Variants in EVC observed in about 807,000 individuals in gnomAD.
EVC encodes the protein EvC ciliary complex subunit 1.
EVC carries 116 observed loss-of-function variants against 118.9 expected under a neutral mutation model. That is an observed-to-expected ratio of 0.98 (90% confidence interval 0.84 to 1.14). The LOEUF (loss-of-function observed/expected upper bound fraction) is 1.14. Among genes scored for constraint, EVC ranks in the 50% most tolerant of loss-of-function variants. EVC has a pLI of 0.00. For synonymous variants in EVC, 619 were observed against 534.7 expected, an observed-to-expected ratio of 1.16 and a Z score of -2.18; for missense variants, 1,401 against 1,246.4, an observed-to-expected ratio of 1.12 and a Z score of -1.87.
rs1577625193 is a variant in EVC, at chr4:5,798,940, C to G, written c.2304+148C>G. 4.4e-6 allele frequency: 4 copies of G among 899,542 alleles called. No homozygotes were observed. The East Asian group carries it at 7.9e-5, about 18-fold the overall frequency. The allele number at this position is 899,542 out of a possible 1,614,324, so 55.7% of individuals were successfully genotyped here. ...CTTCTCCATGACTTGATTTTCTCAT[C>G]TGTAAGGTGGGATCTTCTCCCTCGC... On this transcript the variant is annotated intron_variant, in intron 15 of 20. Coordinates refer to ENST00000264956, the MANE Select transcript of EVC (RefSeq NM_153717.3). This position sits in a 1 kb window ranked among gnomAD's most constrained non-coding sequence, Gnocchi z 4.1.
intron 14 of EVC, 37 bp downstream of exon 14, chr4:5,797,269 G>T: frequency 1.3e-6 from 2 of 1,528,924 alleles, no homozygotes; most frequent in South Asian, 1.2e-5. Flanking sequence ...ATTCCAGACA[G>T]GCGGTGCCCC....
chr4:5,771,143 CAA>C (rs1733889025), intron 11 of EVC, among the ~76,000 whole-genome samples: 1 of 152,122 alleles, frequency 6.6e-6, no homozygotes, highest in Non-Finnish European at 1.5e-5. Flanking sequence ...TAAAGCAACA[CAA>C]AGTTATGTTA....
At chr4:5,711,898 G>T (rs568746023) in intron 1 of EVC, among the ~76,000 whole-genome samples, 4 of 152,352 alleles carry the variant, frequency 2.6e-5, no homozygotes, top group Admixed American at 2.0e-4. Flanking sequence ...GACGGCTGGG[G>T]CTCCCACGCC....
chr4:5,727,245 CTTTT>C (rs1726003612), intron 2 of EVC, among the ~76,000 whole-genome samples: 1 of 152,144 alleles, frequency 6.6e-6, no homozygotes, highest in Non-Finnish European at 1.5e-5. Flanking sequence ...TGTTTCCTGA[CTTTT>C]TAATGATCTC....
chr4:5,818,308 T>C (rs1385732728), downstream of EVC, among the ~76,000 whole-genome samples: 2 of 152,204 alleles, frequency 1.3e-5, no homozygotes, highest in African/African-American at 2.4e-5. Context: ...TGGGTATGTC[T>C]TTATCAGCAG....
In EVC at chr4:5,719,091, G is replaced by A. The variant is rs1025045992; in HGVS notation, c.175-157G>A. On this transcript the variant is annotated intron_variant, in intron 1 of 20. Coordinates refer to ENST00000264956, the MANE Select transcript of EVC (RefSeq NM_153717.3). The surrounding 1 kb of genome is among the most constrained non-coding windows in gnomAD (Gnocchi z 4.7). ...GCGGACCCCACGTGGGGTGGGAGGC[G>A]TCACACACAGAAGACCAAGCTTGAG... Among the ~76,000 whole-genome samples, 5 of 152,104 alleles carry A rather than the reference G, an allele frequency of 3.3e-5. No individual in the cohort carries two copies. Among genetic ancestry groups the A allele is most frequent in the Non-Finnish European group, 5.9e-5 (4 of 68,026 alleles).
chr4:5,713,428 A>G (rs1723375685), intron 1 of EVC, among the ~76,000 whole-genome samples: 2 of 152,190 alleles, frequency 1.3e-5, no homozygotes, highest in East Asian at 3.8e-4. Context: ...CTGTCACCCC[A>G]GCACTTTGGG....
At chr4:5,806,373 C>T (rs1366215024) in intron 17 of EVC, among the ~76,000 whole-genome samples, 5 of 152,112 alleles carry the variant, frequency 3.3e-5, no homozygotes, top group Non-Finnish European at 2.9e-5. Context: ...AGCCACTGCG[C>T]CCAGCCTGTC....
intron 1 of EVC, 95 bp downstream of exon 1, chr4:5,711,649 G>C: frequency 1.0e-6 from 1 of 976,548 alleles, no homozygotes; most frequent in Non-Finnish European, 1.2e-6. Context: ...GCGACTCCTT[G>C]AGCCTGGTTG....
Position 5,719,127 on chromosome 4 carries a change from G to T in EVC, c.175-121G>T. The T allele has an allele frequency of 1.5e-6, 2 of 1,305,454 alleles. No individual in the cohort carries two copies. Among genetic ancestry groups the T allele is most frequent in the African/African-American group, 1.4e-5 (1 of 69,186 alleles). The allele number at this position is 1,305,454 out of a possible 1,614,324, so 80.9% of individuals were successfully genotyped here. ...AAGACCAAGCTTGAGAAGCACAGAG[G>T]CGAGCAGAAGTGGCTGCTGGACTGG... On this transcript the variant is annotated intron_variant, in intron 1 of 20. Transcript: ENST00000264956. This position sits in a 1 kb window ranked among gnomAD's most constrained non-coding sequence, Gnocchi z 4.7.
downstream of EVC, among the ~76,000 whole-genome samples, chr4:5,815,951 C>T (rs1429911821): frequency 6.6e-6 from 1 of 151,722 alleles, no homozygotes; most frequent in African/African-American, 2.4e-5. Flanking sequence ...TGAGTATATA[C>T]TTTCCTCCTG....
At chr4:5,728,099 G>A (rs148812881) in intron 2 of EVC, among the ~76,000 whole-genome samples, 10,180 of 152,142 alleles carry the variant, frequency 0.067, 371 homozygotes, top group South Asian at 0.1. Flanking sequence ...GTTTTTTCCA[G>A]TTCTGTGAAG....
chr4:5,804,713 T>A lies in EVC; in HGVS notation c.2450-17T>A, dbSNP rs1358865814. ...CTCCAAACAGACCCCTTGATTGTCC[T>A]GTGTTAAATGGTCTAGGTGAGAGGA... On this transcript the variant is annotated splice_polypyrimidine_tract_variant and intron_variant, in intron 16 of 20. Coordinates refer to ENST00000264956, the MANE Select transcript of EVC (RefSeq NM_153717.3). 6.2e-7 allele frequency: 1 copy of A among 1,610,924 alleles called. No homozygotes were observed. Among genetic ancestry groups the A allele is most frequent in the Non-Finnish European group, 8.5e-7 (1 of 1,177,146 alleles).
chr4:5,723,687 C>G (rs535688986), intron 2 of EVC, among the ~76,000 whole-genome samples: 1 of 152,156 alleles, frequency 6.6e-6, no homozygotes, highest in Non-Finnish European at 1.5e-5. Flanking sequence ...CTCCCCTGGA[C>G]AGTCAGCCAG....
intron 11 of EVC, among the ~76,000 whole-genome samples, chr4:5,778,273 A>G (rs1201324725): frequency 2.0e-5 from 3 of 151,874 alleles, no homozygotes; most frequent in Middle Eastern, 3.2e-3. Flanking sequence ...AGTCTTTGCT[A>G]TTGTGAATAG....
rs367626044 is a variant in EVC, at chr4:5,802,107, C to T, written c.2449+13C>T. The T allele has an allele frequency of 4.3e-6, 7 of 1,614,044 alleles. No homozygotes were observed. Among genetic ancestry groups the T allele is most frequent in the Non-Finnish European group, 5.9e-6 (7 of 1,180,004 alleles). Reference sequence around the variant, plus strand: ...AAGACCCTGCAGGGTACGGGACCCCCCCTCAGGGAAGCCCCAGAAGAGACT... The same window carrying T: ...AAGACCCTGCAGGGTACGGGACCCCTCCTCAGGGAAGCCCCAGAAGAGACT... On this transcript the variant is annotated intron_variant, in intron 16 of 20. Coordinates refer to ENST00000264956, the MANE Select transcript of EVC (RefSeq NM_153717.3).
chr4:5,776,609 C>T lies in EVC; in HGVS notation c.1564-6943C>T, dbSNP rs145159022. On this transcript the variant is annotated intron_variant, in intron 11 of 20. Coordinates refer to ENST00000264956, the MANE Select transcript of EVC (RefSeq NM_153717.3). The stretch of plus-strand genomic sequence containing the variant: ...ACTGCTTCTACCCAGACTTGCCCTC[C>T]GATCCTTCAGAGACTCCAATTTAAC... 4.5e-4 allele frequency among the ~76,000 whole-genome samples: 69 copies of T among 152,266 alleles called. 1 individual carries two copies. Among genetic ancestry groups the T allele is most frequent in the African/African-American group, 1.5e-3 (62 of 41,532 alleles).
intron 7 of EVC, 177 bp from the exon 8 acceptor site, chr4:5,747,971 C>T (rs1024787706): frequency 4.3e-5 from 31 of 724,454 alleles, no homozygotes; most frequent in Non-Finnish European, 7.3e-5. Flanking sequence ...ACAATGGAAC[C>T]AGAAAGAACT....
chr4:5,756,287 G>T lies in EVC; in HGVS notation c.1488G>T (p.Arg496Ser), dbSNP rs1390748682. The T allele has an allele frequency of 8.7e-6, 14 of 1,613,124 alleles. No individual in the cohort carries two copies. The highest frequency in any genetic ancestry group is 1.2e-5 in the Non-Finnish European group (14 of 1,179,782). ...AGGCTTTTCATGAGGTCCTGGAGAG[G>T]CAGAGGCTGATGCAGTGTGACCTGG... ...FLEAFHEVLE[R>S]QRLMQCDLEE... is the part of the protein sequence containing the mutation. The change falls in exon 11 of 21, where the codon AGG becomes AGT. Residue 496 changes from arginine to serine, a missense_variant. Arg to Ser is a moderately radical substitution (Grantham distance 110). Transcript: ENST00000264956. This position sits in a 1 kb window ranked among gnomAD's most constrained non-coding sequence, Gnocchi z 4.2.
Sources: gnomAD v4.1 joint callset for allele counts (sites outside exome capture counted in the v4.1 genomes callset) on GRCh38, gnomAD v4.1.1 for gene constraint, Gnocchi (gnomAD v3.1) non-coding constraint, MANE v1.5 for transcripts, NCBI Gene and HGNC (gene_info 2026-07-23, HGNC 2026-07-21) for gene names.